The following AK3 variants were observed in gnomAD, a reference collection of about 807,000 sequenced individuals.
AK3 encodes GTP:AMP phosphotransferase AK3, mitochondrial.
A neutral mutation model predicts 23.7 loss-of-function variants in AK3; 27 were observed. The ratio of observed to expected loss-of-function variants is 1.14; its 90% CI spans 0.84 to 1.57. The LOEUF is 1.57. Ranked by LOEUF, AK3 falls within the 40% of genes most tolerant of loss-of-function variation. AK3 has a pLI of 0.00. For synonymous variants in AK3, 159 were observed against 116.0 expected, an observed-to-expected ratio of 1.37 and a Z score of -2.38; for missense variants, 406 against 285.6, an observed-to-expected ratio of 1.42 and a Z score of -3.04.
At chr9:4,732,028 C>A (rs1202211635) in intron 1 of AK3, among the ~76,000 whole-genome samples, 1 of 152,168 alleles carries the variant, frequency 6.6e-6, no homozygotes, top group Non-Finnish European at 1.5e-5. Flanking sequence ...TAGCTCACTG[C>A]AGCCTCGACG....
Position 4,735,352 on chromosome 9 carries a change from A to C in AK3, c.151+5585T>G, listed in dbSNP as rs1179331313. 2.1e-3 allele frequency among the ~76,000 whole-genome samples: 36 copies of C among 17,346 alleles called. 10 individuals carry two copies. Among genetic ancestry groups the C allele is most frequent in the Admixed American group, 4.6e-3 (5 of 1,092 alleles). The allele number at this position is 17,346 out of a possible 152,430, so 11.4% of individuals were successfully genotyped here. The stretch of plus-strand genomic sequence containing the variant: ...ATATAAATATATATATACATATATA[A>C]ATATATATATACATATATAAATATA... On this transcript the variant is annotated intron_variant, in intron 1 of 4. Transcript: ENST00000381809.
At position 4,713,087 on chromosome 9, in the gene AK3, C is replaced by T. The variant is rs142894703; in HGVS notation, c.573G>A (p.Gly191=). 6.2e-7 allele frequency: 1 copy of T among 1,613,364 alleles called. No individual in the cohort carries two copies. The highest frequency in any genetic ancestry group is 1.7e-5 in the Admixed American group (1 of 59,980). ...CTGTTCCGGAGAATGTTTCCAGCAC[C>T]CCTTTTTTCCTAAAGATGAAACAAA... ...KPVLEYYQKK[G]VLETFSGTET... The change falls in exon 5 of 5, where the codon GGG becomes GGA. Residue 191 remains glycine, a synonymous_variant. Coordinates refer to ENST00000381809, the MANE Select transcript of AK3 (RefSeq NM_016282.4).
chr9:4,736,596 T>C (rs1842299321), intron 1 of AK3, among the ~76,000 whole-genome samples: 1 of 152,038 alleles, frequency 6.6e-6, no homozygotes, highest in Non-Finnish European at 1.5e-5. Flanking sequence ...ACAGAAGTCT[T>C]GAAGATTATC....
chr9:4,715,192 C>T (rs562182145), intron 4 of AK3, among the ~76,000 whole-genome samples: 2 of 127,126 alleles, frequency 1.6e-5, no homozygotes, highest in African/African-American at 6.1e-5. Context: ...GCACTCCAAC[C>T]TGAGAGAGAG....
intron 2 of AK3, 139 bp from the exon 3 acceptor site, chr9:4,719,446 C>T: frequency 2.5e-6 from 2 of 787,252 alleles, no homozygotes; most frequent in Non-Finnish European, 3.9e-6. Flanking sequence ...GCTCACCAGG[C>T]AGGCCGATCA....
chr9:4,731,574 T>TA (rs33935556), intron 1 of AK3, among the ~76,000 whole-genome samples: 103,632 of 146,680 alleles, frequency 0.71, 37,833 homozygotes, highest in East Asian at 0.87. Flanking sequence ...GAAGCTTACT[T>TA]AAAAAAAAAA....
In AK3 at chr9:4,722,605, C is replaced by T. The variant is rs769305592; in HGVS notation, c.172G>A (p.Ala58Thr). The change falls in exon 2 of 5, where the codon GCT becomes ACT. Residue 58 changes from alanine to threonine, a missense_variant. Physicochemically the swap from Ala to Thr is moderately conservative, Grantham distance 58. Transcript: ENST00000381809. Reference sequence around the variant, plus strand: ...ATGAGTTTCCCTTGGTCAATGAAAGCCTTGGCTAACACGCCAATTTCTACA... The same window carrying T: ...ATGAGTTTCCCTTGGTCAATGAAAGTCTTGGCTAACACGCCAATTTCTACA... ...RGTEIGVLAK[A>T]FIDQGKLIPD... 12 of 1,614,194 alleles carry T rather than the reference C, an allele frequency of 7.4e-6. No individual in the cohort carries two copies. Among genetic ancestry groups the T allele is most frequent in the Non-Finnish European group, 9.3e-6 (11 of 1,180,030 alleles).
At position 4,709,650 on chromosome 9, in the gene AK3, G is replaced by C. The variant is rs2130859817; in HGVS notation, c.*3326C>G. The C allele has an allele frequency of 6.6e-6, 1 of 152,228 alleles. No individual in the cohort carries two copies. The highest frequency in any genetic ancestry group is 2.1e-4 in the South Asian group (1 of 4,820). 9.4% of individuals were successfully genotyped at this position (152,228 alleles called of 1,614,324 possible). A position where few individuals can be genotyped will look rare whatever the true frequency, so the allele number is the denominator to read the frequency against. Reference sequence around the variant, plus strand: ...GCTAAAAACAAATAAAAAGCAGGAGGGGGATAAGGGCTCTACAAAGCATAC... The same window carrying C: ...GCTAAAAACAAATAAAAAGCAGGAGCGGGATAAGGGCTCTACAAAGCATAC... On this transcript the variant is annotated 3_prime_UTR_variant, in exon 5 of 5. Coordinates refer to ENST00000381809, the MANE Select transcript of AK3 (RefSeq NM_016282.4).
At chr9:4,719,575 T>A (rs1841837881) in intron 2 of AK3, among the ~76,000 whole-genome samples, 1 of 152,156 alleles carries the variant, frequency 6.6e-6, no homozygotes, top group Admixed American at 6.5e-5. Flanking sequence ...GAAATTATCA[T>A]GTAAATAGGC....
intron 1 of AK3, among the ~76,000 whole-genome samples, chr9:4,734,067 T>G (rs1842215161): frequency 6.6e-6 from 1 of 152,186 alleles, no homozygotes; most frequent in African/African-American, 2.4e-5. Context: ...CCAGGGTGAC[T>G]ATATTTGGAA....
intron 1 of AK3, among the ~76,000 whole-genome samples, chr9:4,739,595 C>A (rs1428060048): frequency 6.6e-6 from 1 of 151,774 alleles, no homozygotes; most frequent in Non-Finnish European, 1.5e-5. Context: ...CACACTAGTG[C>A]AGAGTATATA....
chr9:4,728,661 G>C (rs1262219361), intron 1 of AK3, among the ~76,000 whole-genome samples: 1 of 151,804 alleles, frequency 6.6e-6, no homozygotes, highest in Admixed American at 6.6e-5. Flanking sequence ...AAATGGTGTA[G>C]CCAATTTGTA....
At chr9:4,736,116 A>G (rs1233923566) in intron 1 of AK3, among the ~76,000 whole-genome samples, 2 of 145,960 alleles carry the variant, frequency 1.4e-5, no homozygotes. Context: ...CTCCATCTCA[A>G]AAAAAAAAAA....
chr9:4,740,542 G>C (rs1226797232), intron 1 of AK3, among the ~76,000 whole-genome samples: 2 of 152,170 alleles, frequency 1.3e-5, no homozygotes, highest in African/African-American at 4.8e-5. Context: ...AACAGAACGA[G>C]CAGACTCTAG....
At chr9:4,716,981 C>T (rs911727184) in intron 4 of AK3, among the ~76,000 whole-genome samples, 1 of 152,204 alleles carries the variant, frequency 6.6e-6, no homozygotes, top group Non-Finnish European at 1.5e-5. Context: ...CAGATTTCTA[C>T]TGCATACATA....
chr9:4,736,617 A>T (rs1842299789), intron 1 of AK3, among the ~76,000 whole-genome samples: 1 of 151,950 alleles, frequency 6.6e-6, no homozygotes, highest in African/African-American at 2.4e-5. Flanking sequence ...TACTACATTC[A>T]TCTCCCCCAT....
intron 4 of AK3, among the ~76,000 whole-genome samples, chr9:4,713,937 T>C (rs1841632101): frequency 1.3e-5 from 2 of 150,926 alleles, no homozygotes; most frequent in Admixed American, 6.6e-5. Flanking sequence ...TATACACACC[T>C]CCACATATAC....
chr9:4,716,697 G>A lies in AK3; in HGVS notation c.563+1722C>T, dbSNP rs544835431. Among the ~76,000 whole-genome samples, 18 of 152,318 alleles carry A rather than the reference G, an allele frequency of 1.2e-4. 1 individual carries two copies. In the South Asian group the frequency reaches 2.3e-3, roughly 19 times the overall value. ...TGTAATCCCAATGTTTTGGGAGGCC[G>A]AGGCAGGAGGGTTGCCTGAAGCCAG... On this transcript the variant is annotated intron_variant, in intron 4 of 4. Transcript: ENST00000381809.
At chr9:4,715,133 C>T (rs1841687465) in intron 4 of AK3, among the ~76,000 whole-genome samples, 1 of 145,500 alleles carries the variant, frequency 6.9e-6, no homozygotes, top group Non-Finnish European at 1.5e-5. Flanking sequence ...GCATAAGAAT[C>T]GCTTGAACCT....
Sources: allele counts gnomAD v4.1 joint callset (sites outside exome capture counted in the v4.1 genomes callset), GRCh38; gene constraint gnomAD v4.1.1; transcripts MANE v1.5; gene names NCBI Gene and HGNC (gene_info 2026-07-23, HGNC 2026-07-21).